Variants in MAP3K19 observed in about 807,000 individuals in gnomAD.
MAP3K19 encodes mitogen-activated protein kinase kinase kinase 19.
MAP3K19 carries 91 observed loss-of-function variants against 114.4 expected under a neutral mutation model. The ratio of observed to expected loss-of-function variants is 0.80; its 90% confidence interval spans 0.67 to 0.95. The LOEUF (loss-of-function observed/expected upper bound fraction) is 0.95, where lower values mean the gene tolerates loss of function less well. Among genes scored for constraint, MAP3K19 ranks in the 40% least tolerant of loss-of-function variants. The probability of loss-of-function intolerance (pLI) is 0.00; values close to 1 mark genes in which losing one functional copy is unlikely to be tolerated. For synonymous variants in MAP3K19, 518 were observed against 530.5 expected (o/e 0.98, Z 0.32); for missense variants, 1,471 against 1,573.2 (o/e 0.94, Z 1.10).
chr2:135,025,096 A>G (rs1688201330), intron 3 of MAP3K19, among the ~76,000 whole-genome samples: 2 of 152,146 alleles, frequency 1.3e-5, no homozygotes, highest in East Asian at 1.9e-4. Flanking sequence ...ATTTTTTTCA[A>G]TGAGTCATAA....
Position 134,980,886 on chromosome 2 carries a change from C to A in MAP3K19, c.3855G>T (p.Leu1285=). The A allele has an allele frequency of 6.2e-7, 1 of 1,614,238 alleles. No individual in the cohort carries two copies. The highest frequency in any genetic ancestry group is 8.5e-7 in the Non-Finnish European group (1 of 1,180,046). The change falls in exon 12 of 13, where the codon CTG becomes CTT. Residue 1285 remains leucine (L), a synonymous_variant. Coordinates refer to ENST00000392915, the MANE Select transcript of MAP3K19 (RefSeq NM_025052.5). The part of the protein sequence containing the change: ...AMFYIGAHRG[L]MPPLPDHFSE... ...AGAAGTGGTCTGGTAAAGGAGGCAT[C>A]AGCCCTCGGTGTGCTCCGATGTAAA...
intron 12 of MAP3K19, among the ~76,000 whole-genome samples, chr2:134,973,870 T>C (rs1684041455): frequency 6.6e-6 from 1 of 152,256 alleles, no homozygotes; most frequent in Non-Finnish European, 1.5e-5. Flanking sequence ...GGGCCACTAA[T>C]GGTGATGAAG....
At chr2:134,968,714 G>A (rs1683615462) in intron 12 of MAP3K19, among the ~76,000 whole-genome samples, 1 of 151,366 alleles carries the variant, frequency 6.6e-6, no homozygotes, top group Non-Finnish European at 1.5e-5. Flanking sequence ...CCCAGATGGG[G>A]CGGCAGGGCA....
intron 12 of MAP3K19, among the ~76,000 whole-genome samples, chr2:134,973,992 CTT>C (rs902574338): frequency 6.7e-6 from 1 of 149,152 alleles, no homozygotes; most frequent in African/African-American, 2.5e-5. Context: ...CCTTTCAAAA[CTT>C]TTTTTTTTGT....
Position 135,040,410 on chromosome 2 carries a change from T to A in MAP3K19, c.-331A>T, listed in dbSNP as rs1281202002. 1 of 152,604 alleles carries A rather than the reference T, an allele frequency of 6.6e-6. No individual in the cohort carries two copies. The highest frequency in any genetic ancestry group is 2.4e-5 in the African/African-American group (1 of 41,430). 9.5% of individuals were successfully genotyped at this position (152,604 alleles called of 1,614,324 possible). ...GCAGTAATGAGAGGCGTATTCCACG[T>A]CTCTGGGTGCTGAAAGTCAAGGTTT... On this transcript the variant is annotated 5_prime_UTR_variant, in exon 2 of 13. Transcript: ENST00000392915.
chr2:134,965,614 T>C (rs1433777776), intron 12 of MAP3K19, among the ~76,000 whole-genome samples: 3 of 152,232 alleles, frequency 2.0e-5, no homozygotes, highest in Admixed American at 2.0e-4. Context: ...GATTTTTTTT[T>C]CAGATACATA....
Position 134,987,273 on chromosome 2 carries a change from G to C in MAP3K19, c.1599C>G (p.Ser533=). The C allele has an allele frequency of 6.2e-7, 1 of 1,613,990 alleles. No homozygotes were observed. Among genetic ancestry groups the C allele is most frequent in the Non-Finnish European group, 8.5e-7 (1 of 1,180,012 alleles). The change falls in exon 10 of 13, where the codon TCC becomes TCG. Residue 533 remains serine, a synonymous_variant. Coordinates refer to ENST00000392915, the MANE Select transcript of MAP3K19 (RefSeq NM_025052.5). ...TCTTTGAATCCAACTTACTCCTATG[G>C]GAATTCATCTTATGCTTGTCATTTT... The part of the protein sequence containing the change: ...HQENDKHKMN[S]HRSKLDSKTK...
chr2:134,973,937 G>A (rs1201645517), intron 12 of MAP3K19, among the ~76,000 whole-genome samples: 1 of 152,124 alleles, frequency 6.6e-6, no homozygotes, highest in Non-Finnish European at 1.5e-5. Context: ...GGATAACTTT[G>A]CTGAGTATAG....
intron 12 of MAP3K19, among the ~76,000 whole-genome samples, chr2:134,972,546 A>G (rs1356131891): frequency 2.6e-5 from 4 of 151,686 alleles, no homozygotes; most frequent in Non-Finnish European, 5.9e-5. Context: ...GCAGTCTCGA[A>G]CTCTTGGGTT....
chr2:135,012,543 T>G (rs1687302743), intron 5 of MAP3K19, among the ~76,000 whole-genome samples: 1 of 152,178 alleles, frequency 6.6e-6, no homozygotes, highest in African/African-American at 2.4e-5. Flanking sequence ...TCACTTAATT[T>G]TTATCAAAAT....
chr2:134,977,174 T>C (rs60753913), intron 12 of MAP3K19, among the ~76,000 whole-genome samples: 5,137 of 147,956 alleles, frequency 0.035, 301 homozygotes, highest in African/African-American at 0.12. Context: ...CTACCACCGC[T>C]CCCCCACCCA....
intron 11 of MAP3K19, 68 bp downstream of exon 11, chr2:134,983,608 G>T: frequency 8.8e-7 from 1 of 1,134,488 alleles, no homozygotes; most frequent in African/African-American, 1.6e-5. Flanking sequence ...CTGGGGGAGT[G>T]GGAGGGGTGG....
At chr2:135,026,426 C>A (rs922680519) in intron 3 of MAP3K19, among the ~76,000 whole-genome samples, 1 of 152,158 alleles carries the variant, frequency 6.6e-6, no homozygotes, top group Non-Finnish European at 1.5e-5. Context: ...ATTCCCTTTT[C>A]ATTCCATTAT....
chr2:134,974,734 T>C (rs1684106701), intron 12 of MAP3K19, among the ~76,000 whole-genome samples: 1 of 152,218 alleles, frequency 6.6e-6, no homozygotes, highest in Non-Finnish European at 1.5e-5. Flanking sequence ...AAAAGATCTG[T>C]ATTCAAGTCC....
Position 135,007,488 on chromosome 2 carries a change from C to T in MAP3K19, c.139-1957G>A, listed in dbSNP as rs548042214. 5.3e-5 allele frequency among the ~76,000 whole-genome samples: 8 copies of T among 152,016 alleles called. No individual in the cohort carries two copies. In the South Asian group the frequency reaches 1.5e-3, roughly 28 times the overall value. ...ACAATTAAATTATTACTATAGTCAC[C>T]CTGTTGTGCTATCAGTACTAGTTCT... is the stretch of plus-strand genomic sequence containing the variant. On this transcript the variant is annotated intron_variant, in intron 5 of 12. Coordinates refer to ENST00000392915, the MANE Select transcript of MAP3K19 (RefSeq NM_025052.5).
intron 5 of MAP3K19, among the ~76,000 whole-genome samples, chr2:135,013,277 G>A (rs978851380): frequency 2.7e-5 from 4 of 150,562 alleles, no homozygotes; most frequent in Non-Finnish European, 4.4e-5. Flanking sequence ...CCAAGATCGC[G>A]CTCCAGCCTG....
intron 8 of MAP3K19, among the ~76,000 whole-genome samples, chr2:134,998,456 T>C (rs1686185196): frequency 6.6e-6 from 1 of 152,226 alleles, no homozygotes; most frequent in Admixed American, 6.5e-5. Flanking sequence ...AATAAGATAT[T>C]CTCAAAATAT....
chr2:135,007,071 C>T (rs922498129), intron 5 of MAP3K19, among the ~76,000 whole-genome samples: 1 of 150,342 alleles, frequency 6.7e-6, no homozygotes, highest in African/African-American at 2.4e-5. Context: ...GGCTGAGGTG[C>T]GAGGATCATT....
chr2:135,005,855 T>C (rs1686776414), intron 5 of MAP3K19, among the ~76,000 whole-genome samples: 1 of 152,188 alleles, frequency 6.6e-6, no homozygotes, highest in African/African-American at 2.4e-5. Context: ...GGTAGGTAAC[T>C]GGAAAGAATC....
Sources: allele counts gnomAD v4.1 joint callset (sites outside exome capture counted in the v4.1 genomes callset), GRCh38; gene constraint gnomAD v4.1.1; transcripts MANE v1.5; gene names NCBI Gene and HGNC (gene_info 2026-07-23, HGNC 2026-07-21).